RNF112: variants seen among roughly 807,000 people sequenced by gnomAD.
The protein encoded by RNF112 is ring finger protein 112, also known as brain finger protein.
Under a neutral mutation model 64.7 loss-of-function variants are expected in RNF112, and 34 were observed. The observed-to-expected ratio is 0.53, with a 90% CI of 0.40 to 0.70. RNF112 has a LOEUF of 0.70. RNF112 is among the 30% of genes least tolerant of loss of function. The probability of loss-of-function intolerance (pLI) is 0.00; values close to 1 mark genes in which losing one functional copy is unlikely to be tolerated. For synonymous variants in RNF112, 345 were observed against 344.5 expected, an observed-to-expected ratio of 1.00 and a Z score of -0.02; for missense variants, 734 against 850.0, an observed-to-expected ratio of 0.86 and a Z score of 1.70.
In RNF112 at chr17:19,416,183, A is replaced by G. The variant is rs1214909143; in HGVS notation, c.*8A>G. ...CTTCTCCAGGAAGAGTAACAGCCCC[A>G]GGAGGTATTGAAGGACAGGAGAGAT... On this transcript the variant is annotated 3_prime_UTR_variant, in exon 14 of 14. Transcript: ENST00000461366. The G allele has an allele frequency of 1.3e-6, 2 of 1,543,868 alleles. No individual in the cohort carries two copies. Among genetic ancestry groups the G allele is most frequent in the Non-Finnish European group, 8.7e-7 (1 of 1,144,136 alleles).
In RNF112 at chr17:19,416,108, G is replaced by A; in HGVS notation, c.1829G>A (p.Cys610Tyr). ...GCTGGGTTGGCTGCCACAGTGGGCT[G>A]CATGGAGAAGGAGGAGGATGAGAGG... Reference protein sequence around the residue: ...VGAGLAATVGCMEKEEDERLL... With the variant: ...VGAGLAATVGYMEKEEDERLL... Residue 610 changes from cysteine to tyrosine, a missense_variant, in exon 14 of 14, where the codon TGC becomes TAC. Physicochemically the swap from Cys to Tyr is radical, Grantham distance 194. Coordinates refer to ENST00000461366, the MANE Select transcript of RNF112 (RefSeq NM_007148.5). The A allele has an allele frequency of 6.3e-7, 1 of 1,583,016 alleles. No homozygotes were observed. The highest frequency in any genetic ancestry group is 1.2e-5 in the South Asian group (1 of 86,752).
At chr17:19,414,408 A>G (rs1394453919) in intron 7 of RNF112, 41 bp from the exon 8 acceptor site, 9 of 1,612,976 alleles carry the variant, frequency 5.6e-6, no homozygotes, top group Non-Finnish European at 6.8e-6. Context: ...CATAGTCCTC[A>G]AAGTGGCCCA....
rs765010405 is a variant in RNF112 at position 19,413,645 on chromosome 17, G to A, written c.789G>A (p.Lys263=). The change falls in exon 6 of 14, where the codon AAG becomes AAA. Residue 263 remains lysine (K), a synonymous_variant. Transcript: ENST00000461366. This position sits in a 1 kb window ranked among gnomAD's most constrained non-coding sequence, Gnocchi z 5.9. ...AGCTGAGCAGGGAAACAAGGATCAA[G>A]CTCTGTGCTCTCACCACGATGCTGA... ...SPELSRETRI[K]LCALTTMLSS... The A allele has an allele frequency of 3.6e-5, 58 of 1,612,528 alleles. No individual in the cohort carries two copies. The Admixed American group carries it at 9.2e-4, about 26-fold the overall frequency.
rs934787090 is a variant in RNF112 at position 19,416,240 on chromosome 17, G to A, written c.*65G>A. On this transcript the variant is annotated 3_prime_UTR_variant, in exon 14 of 14. Transcript: ENST00000461366. ...TGGGGATGAAGAAGAGGGGCAGGTC[G>A]GGGGAGGGTGATGCCAGGGATTCCA... 9.3e-6 allele frequency: 13 copies of A among 1,398,364 alleles called. No homozygotes were observed. Among genetic ancestry groups the A allele is most frequent in the Middle Eastern group, 1.9e-4 (1 of 5,284 alleles). The allele number at this position is 1,398,364 out of a possible 1,614,324, so 86.6% of individuals were successfully genotyped here.
rs760166387 is a variant in RNF112, at chr17:19,412,764, C to A, written c.362C>A (p.Pro121Gln). The A allele has an allele frequency of 6.2e-7, 1 of 1,612,734 alleles. No individual in the cohort carries two copies. Among genetic ancestry groups the A allele is most frequent in the Non-Finnish European group, 8.5e-7 (1 of 1,179,688 alleles). Residue 121 changes from proline to glutamine, a missense_variant, in exon 3 of 14, where the codon CCG becomes CAG. Transcript: ENST00000461366. This position sits in a 1 kb window ranked among gnomAD's most constrained non-coding sequence, Gnocchi z 5.1. ...AAGATGAAGCTCCTGCCGCAGCGGC[C>A]GCTGCCCCCTGCACTGCAGGTCTGG... ...GEKMKLLPQR[P>Q]LPPALQETCP...
At position 19,416,149 on chromosome 17, in the gene RNF112, C is replaced by T; in HGVS notation, c.1870C>T (p.Arg624Ter). 1.3e-6 allele frequency: 2 copies of T among 1,565,724 alleles called. No homozygotes were observed. The highest frequency in any genetic ancestry group is 8.7e-7 in the Non-Finnish European group (1 of 1,155,918). ...EEDERLLEGD[R>*]EPLLQEE ...GGATGAGAGGCTTCTGGAAGGGGACCGAGAGCCCCTTCTCCAGGAAGAGTA... is the reference window on the plus strand; with the variant it reads ...GGATGAGAGGCTTCTGGAAGGGGACTGAGAGCCCCTTCTCCAGGAAGAGTA... The change falls in exon 14 of 14, where the codon CGA becomes TGA. Residue 624 changes from arginine to a stop codon, truncating the protein, a stop_gained. Coordinates refer to ENST00000461366, the MANE Select transcript of RNF112 (RefSeq NM_007148.5). LOFTEE classifies it high-confidence loss of function.
chr17:19,415,741 G>T lies in RNF112; in HGVS notation c.1462G>T (p.Val488Phe). The T allele has an allele frequency of 2.5e-6, 4 of 1,612,916 alleles. No individual in the cohort carries two copies. Among genetic ancestry groups the T allele is most frequent in the Non-Finnish European group, 2.5e-6 (3 of 1,179,536 alleles). ...ATKRIFSALR[V>F]LPDTMRNLLS... ...CAAGCGCATATTCTCTGCGCTGCGGGTCCTGCCAGACACCATGCGGAACCT... is the reference window on the plus strand; with the variant it reads ...CAAGCGCATATTCTCTGCGCTGCGGTTCCTGCCAGACACCATGCGGAACCT... The change falls in exon 14 of 14, where the codon GTC (valine) becomes TTC (phenylalanine). Residue 488 changes from valine to phenylalanine, a missense_variant. Val to Phe is a conservative substitution (Grantham distance 50). Transcript: ENST00000461366. The surrounding 1 kb of genome is among the most constrained non-coding windows in gnomAD (Gnocchi z 7.8).
Position 19,415,189 on chromosome 17 carries a change from G to T in RNF112, c.1278G>T (p.Gln426His), listed in dbSNP as rs1040379445. 1 of 1,606,390 alleles carries T rather than the reference G, an allele frequency of 6.2e-7. No homozygotes were observed. The highest frequency in any genetic ancestry group is 1.3e-5 in the African/African-American group (1 of 74,454). ...RGDRRLLTGQQLAQEIKNLSG... is the reference protein window; with the variant it reads ...RGDRRLLTGQHLAQEIKNLSG... ...ACAGACGCCTACTCACGGGGCAGCA[G>T]CTAGCTCAGGAAATCAAGGTGTGAA... The change falls in exon 11 of 14, where the codon CAG becomes CAT. Residue 426 changes from glutamine to histidine, a missense_variant. Physicochemically the swap from Gln to His is conservative, Grantham distance 24. Transcript: ENST00000461366. This position sits in a 1 kb window ranked among gnomAD's most constrained non-coding sequence, Gnocchi z 7.8.
Position 19,414,579 on chromosome 17 carries a change from CTT to C in RNF112, c.934-5_934-4del. 6.2e-7 allele frequency: 1 copy of C among 1,613,966 alleles called. No individual in the cohort carries two copies. ...ATTTGCTGGTGTCAGGACCCCTTCT[CTT>C]TCAGCATCTGGACCTCTTAGTTCGT... On this transcript the variant is annotated splice_region_variant and splice_polypyrimidine_tract_variant and intron_variant, in intron 8 of 13. Coordinates refer to ENST00000461366, the MANE Select transcript of RNF112 (RefSeq NM_007148.5).
chr17:19,415,065 TG>T lies in RNF112; in HGVS notation c.1159del (p.Ala387ProfsTer7). On this transcript the variant is annotated frameshift_variant, in exon 11 of 14. Coordinates refer to ENST00000461366, the MANE Select transcript of RNF112 (RefSeq NM_007148.5). LOFTEE classifies it high-confidence loss of function. This position sits in a 1 kb window ranked among gnomAD's most constrained non-coding sequence, Gnocchi z 7.8. Reference sequence around the variant, plus strand: ...ACAGATGATGACTTCCGCCACCTTCTGGGGGCCTACGTCTCAGATGTGCTGA... The same window carrying T: ...ACAGATGATGACTTCCGCCACCTTCTGGGGCCTACGTCTCAGATGTGCTGA... Reference protein sequence around the residue: ...GDTDDDFRHLLGAYVSDVLSA... With the variant: ...GDTDDDFRHLXGAYVSDVLSA... 1 of 1,591,330 alleles carries T rather than the reference TG, an allele frequency of 6.3e-7. No homozygotes were observed. The highest frequency in any genetic ancestry group is 1.7e-4 in the Middle Eastern group (1 of 5,938).
intron 8 of RNF112, 38 bp from the exon 9 acceptor site, chr17:19,414,548 A>G: frequency 6.2e-7 from 1 of 1,613,762 alleles, no homozygotes; most frequent in Non-Finnish European, 8.5e-7. Context: ...AGGCCCCGCC[A>G]CCCCCATTTG....
chr17:19,416,374 A>G lies in RNF112; in HGVS notation c.*199A>G. On this transcript the variant is annotated 3_prime_UTR_variant, in exon 14 of 14. Coordinates refer to ENST00000461366, the MANE Select transcript of RNF112 (RefSeq NM_007148.5). The stretch of plus-strand genomic sequence containing the variant: ...AACCTGGGAGGCAGCATCTGGGGGC[A>G]GTGGATAGAACACCCGGCCTGTTTC... 2 of 569,386 alleles carry G rather than the reference A, an allele frequency of 3.5e-6. No individual in the cohort carries two copies. The highest frequency in any genetic ancestry group is 6.1e-6 in the Non-Finnish European group (2 of 325,890). The allele number at this position is 569,386 out of a possible 1,614,324, so 35.3% of individuals were successfully genotyped here.
chr17:19,414,708 G>A (rs1395987627), intron 9 of RNF112, 48 bp downstream of exon 9: 5 of 1,610,782 alleles, frequency 3.1e-6, no homozygotes, highest in Non-Finnish European at 3.4e-6. Flanking sequence ...ACAGGGCAGA[G>A]GTGGGGAAGA....
rs770812392 is a variant in RNF112, at chr17:19,415,945, G to A, written c.1666G>A (p.Ala556Thr). ...HLAAVGGAVG[A>T]GLMGLAGGVV... The stretch of plus-strand genomic sequence containing the variant: ...AGCTGCTGTGGGGGGTGCTGTGGGG[G>A]CCGGGCTCATGGGCCTGGCAGGGGG... Residue 556 changes from alanine to threonine, a missense_variant, in exon 14 of 14, where the codon GCC (alanine) becomes ACC (threonine). By Grantham distance (58) the Ala-to-Thr change is moderately conservative. Coordinates refer to ENST00000461366, the MANE Select transcript of RNF112 (RefSeq NM_007148.5). The surrounding 1 kb of genome is among the most constrained non-coding windows in gnomAD (Gnocchi z 7.8). 6.2e-7 allele frequency: 1 copy of A among 1,604,098 alleles called. No individual in the cohort carries two copies. The highest frequency in any genetic ancestry group is 1.7e-5 in the Admixed American group (1 of 59,128).
Position 19,415,933 on chromosome 17 carries a change from G to T in RNF112, c.1654G>T (p.Gly552Cys), listed in dbSNP as rs1340530081. 6.2e-7 allele frequency: 1 copy of T among 1,609,006 alleles called. No homozygotes were observed. The stretch of plus-strand genomic sequence containing the variant: ...CTGTGGCCACCTAGCTGCTGTGGGG[G>T]GTGCTGTGGGGGCCGGGCTCATGGG... ...RFCGHLAAVG[G>C]AVGAGLMGLA... Residue 552 changes from glycine to cysteine, a missense_variant, in exon 14 of 14, where the codon GGT (glycine) becomes TGT (cysteine). By Grantham distance (159) the Gly-to-Cys change is radical (BLOSUM62 -3). Transcript: ENST00000461366. The surrounding 1 kb of genome is among the most constrained non-coding windows in gnomAD (Gnocchi z 7.8).
Position 19,417,080 on chromosome 17 carries a change from T to C in RNF112, c.*905T>C, listed in dbSNP as rs1354800361. 1 of 152,158 alleles carries C rather than the reference T, an allele frequency of 6.6e-6. No homozygotes were observed. The highest frequency in any genetic ancestry group is 1.5e-5 in the Non-Finnish European group (1 of 68,038). 9.4% of individuals were successfully genotyped at this position (152,158 alleles called of 1,614,324 possible). ...TTTCTCCCCTGGGCTTGTAAGAAGA[T>C]GCAGCTTGATGCAGCTCCTCAAACA... On this transcript the variant is annotated 3_prime_UTR_variant, in exon 14 of 14. Coordinates refer to ENST00000461366, the MANE Select transcript of RNF112 (RefSeq NM_007148.5).
rs1913744306 is a variant in RNF112, at chr17:19,413,417, G to C, written c.720+6G>C. 2 of 1,609,768 alleles carry C rather than the reference G, an allele frequency of 1.2e-6. No homozygotes were observed. The highest frequency in any genetic ancestry group is 8.5e-7 in the Non-Finnish European group (1 of 1,177,254). ...TGGGGAAAGAAGGGAAGAAGGTGAG[G>C]GGGGAAGTGGCAGAAGGAGGTCAGG... On this transcript the variant is annotated splice_donor_region_variant and intron_variant, in intron 5 of 13. Transcript: ENST00000461366. This position sits in a 1 kb window ranked among gnomAD's most constrained non-coding sequence, Gnocchi z 5.9.
chr17:19,415,599 C>T lies in RNF112; in HGVS notation c.1425+7C>T. 6.2e-7 allele frequency: 1 copy of T among 1,611,528 alleles called. No homozygotes were observed. The highest frequency in any genetic ancestry group is 8.5e-7 in the Non-Finnish European group (1 of 1,178,904). On this transcript the variant is annotated splice_region_variant and intron_variant, in intron 13 of 13. Coordinates refer to ENST00000461366, the MANE Select transcript of RNF112 (RefSeq NM_007148.5). The surrounding 1 kb of genome is among the most constrained non-coding windows in gnomAD (Gnocchi z 7.8). ...GGAGTATGTGAGGCAGCAGGTGAGC[C>T]CCGGGGCTGCACGGGAGGCAGGTGT...
Position 19,416,248 on chromosome 17 carries a change from G to T in RNF112, c.*73G>T, listed in dbSNP as rs1302942542. On this transcript the variant is annotated 3_prime_UTR_variant, in exon 14 of 14. Transcript: ENST00000461366. Reference sequence around the variant, plus strand: ...AAGAAGAGGGGCAGGTCGGGGGAGGGTGATGCCAGGGATTCCAAGGCACCG... The same window carrying T: ...AAGAAGAGGGGCAGGTCGGGGGAGGTTGATGCCAGGGATTCCAAGGCACCG... 7.4e-7 allele frequency: 1 copy of T among 1,349,344 alleles called. No individual in the cohort carries two copies. Among genetic ancestry groups the T allele is most frequent in the Non-Finnish European group, 1.0e-6 (1 of 994,342 alleles). The allele number at this position is 1,349,344 out of a possible 1,614,324, so 83.6% of individuals were successfully genotyped here. A position where few individuals can be genotyped will look rare whatever the true frequency, so the allele number is the denominator to read the frequency against.
Sources: allele counts gnomAD v4.1 joint callset, GRCh38; gene constraint gnomAD v4.1.1; non-coding constraint Gnocchi (gnomAD v3.1); transcripts MANE v1.5; gene names NCBI Gene and HGNC (gene_info 2026-07-23, HGNC 2026-07-21).